The following BMP2K variants were observed in gnomAD, a reference collection of about 807,000 sequenced individuals.
BMP2K encodes the protein BMP2 inducible kinase.
BMP2K carries 74 observed loss-of-function variants against 116.0 expected under a neutral mutation model. The observed-to-expected ratio is 0.64, with a 90% CI of 0.53 to 0.77. The LOEUF is 0.77. BMP2K is among the 30% of genes least tolerant of loss of function. The pLI, the probability that BMP2K is intolerant of heterozygous loss-of-function variation, is 0.00. For missense variants in BMP2K, 1,365 were observed against 1,403.6 expected (o/e 0.97, Z 0.44); for synonymous variants, 486 against 502.5 (o/e 0.97, Z 0.44).
chr4:78,835,349 G>A (rs1730419182), intron 3 of BMP2K, among the ~76,000 whole-genome samples: 1 of 152,124 alleles, frequency 6.6e-6, no homozygotes, highest in South Asian at 2.1e-4. Flanking sequence ...TAGTTGGCCT[G>A]GTGCGGTGGC....
At chr4:78,786,431 G>GTGTGTGTGTGTC (rs1727735242) in intron 1 of BMP2K, among the ~76,000 whole-genome samples, 1 of 151,044 alleles carries the variant, frequency 6.6e-6, no homozygotes, top group African/African-American at 2.4e-5. Flanking sequence ...GTGTGTGTGT[G>GTGTGTGTGTGTC]TGTGTGTGTG....
chr4:78,879,491 A>C, intron 14 of BMP2K: 1 of 889,526 alleles, frequency 1.1e-6, no homozygotes, highest in Non-Finnish European at 1.3e-6. Flanking sequence ...ACTACCTAAT[A>C]TATGTCAAGC....
chr4:78,869,032 T>TGG (rs1363323734), intron 10 of BMP2K, among the ~76,000 whole-genome samples: 11 of 152,210 alleles, frequency 7.2e-5, no homozygotes, highest in African/African-American at 2.7e-4. Flanking sequence ...AGACTCTTTG[T>TGG]GGGGACTTTG....
intron 14 of BMP2K, among the ~76,000 whole-genome samples, chr4:78,881,755 T>C (rs1330147024): frequency 3.9e-5 from 6 of 152,090 alleles, no homozygotes. Flanking sequence ...TATTAAACTT[T>C]CTTAAAGTTT....
intron 3 of BMP2K, among the ~76,000 whole-genome samples, chr4:78,834,378 C>T (rs2110012415): frequency 6.6e-6 from 1 of 151,872 alleles, no homozygotes; most frequent in East Asian, 1.9e-4. Flanking sequence ...TCTCCTGCCT[C>T]AGCCTCCCGA....
intron 4 of BMP2K, among the ~76,000 whole-genome samples, chr4:78,844,435 A>G (rs1372822427): frequency 2.6e-5 from 4 of 151,766 alleles, no homozygotes; most frequent in Non-Finnish European, 4.4e-5. Context: ...AAATGGTACT[A>G]GAAATCAAAG....
chr4:78,819,233 T>G (rs1390953971), intron 1 of BMP2K, among the ~76,000 whole-genome samples: 2 of 152,112 alleles, frequency 1.3e-5, no homozygotes, highest in African/African-American at 4.8e-5. Context: ...GATATTGAGC[T>G]CAGGCCATCC....
chr4:78,817,392 C>T (rs572651919), intron 1 of BMP2K, among the ~76,000 whole-genome samples: 56 of 152,250 alleles, frequency 3.7e-4, no homozygotes, highest in African/African-American at 1.3e-3. Flanking sequence ...TGGGGGTTCC[C>T]TTTGGGTTTG....
chr4:78,880,351 C>A (rs1385816573), intron 14 of BMP2K, among the ~76,000 whole-genome samples: 1 of 152,128 alleles, frequency 6.6e-6, no homozygotes, highest in Non-Finnish European at 1.5e-5. Context: ...GGATTACAGG[C>A]GTGAGCCACC....
chr4:78,899,415 G>A (rs866936701), intron 15 of BMP2K, among the ~76,000 whole-genome samples: 12 of 152,234 alleles, frequency 7.9e-5, no homozygotes, highest in Middle Eastern at 3.4e-3. Flanking sequence ...TAGGGGCACT[G>A]GAATCTTTTT....
chr4:78,818,963 A>AT (rs1252355200), intron 1 of BMP2K, among the ~76,000 whole-genome samples: 25 of 151,992 alleles, frequency 1.6e-4, no homozygotes, highest in African/African-American at 5.8e-4. Flanking sequence ...TGCCTGGCTA[A>AT]TTTTTTGTAT....
At chr4:78,809,374 GTTTT>G (rs1420962806) in intron 1 of BMP2K, among the ~76,000 whole-genome samples, 1 of 150,432 alleles carries the variant, frequency 6.6e-6, no homozygotes, top group Non-Finnish European at 1.5e-5. Context: ...TCGTGTGTTT[GTTTT>G]TTGTTTTATT....
intron 7 of BMP2K, among the ~76,000 whole-genome samples, chr4:78,857,289 A>G (rs1454359549): frequency 6.6e-6 from 1 of 152,134 alleles, no homozygotes; most frequent in Non-Finnish European, 1.5e-5. Flanking sequence ...TGGCTCCAGC[A>G]GATATATTCC....
rs1383444973 is a variant in BMP2K at position 78,911,740 on chromosome 4, C to A, written c.3193C>A (p.Leu1065Met). ...RGNVLQPEES[L>M]LDPFGAKPFH... ...GAATGTCTTACAACCTGAGGAGAGCCTGTTGGACCCCTTCGGTGCCAAGCC... is the reference window on the plus strand; with the variant it reads ...GAATGTCTTACAACCTGAGGAGAGCATGTTGGACCCCTTCGGTGCCAAGCC... The change falls in exon 16 of 16, where the codon CTG (leucine) becomes ATG (methionine). Residue 1065 changes from leucine (L) to methionine (M), a missense_variant. Physicochemically the swap from Leu to Met is conservative, Grantham distance 15. Coordinates refer to ENST00000502613, the MANE Select transcript of BMP2K (RefSeq NM_198892.2). 4 of 1,613,986 alleles carry A rather than the reference C, an allele frequency of 2.5e-6. No homozygotes were observed. The South Asian group carries it at 4.4e-5, about 18-fold the overall frequency.
chr4:78,808,455 C>T (rs1334248707), intron 1 of BMP2K, among the ~76,000 whole-genome samples: 5 of 151,838 alleles, frequency 3.3e-5, no homozygotes, highest in African/African-American at 7.3e-5. Context: ...TTACTAGAGA[C>T]GGGGTTTTCA....
chr4:78,895,958 C>T (rs189600556), intron 15 of BMP2K, among the ~76,000 whole-genome samples: 142 of 152,168 alleles, frequency 9.3e-4, no homozygotes, highest in African/African-American at 3.1e-3. Flanking sequence ...GACAAGGTCT[C>T]GCTGTGTTGA....
At chr4:78,816,014 C>T (rs144588392) in intron 1 of BMP2K, among the ~76,000 whole-genome samples, 79 of 152,278 alleles carry the variant, frequency 5.2e-4, no homozygotes, top group African/African-American at 1.8e-3. Flanking sequence ...TCAAGGATTA[C>T]GTATTGCATA....
At chr4:78,898,708 A>G (rs1733842097) in intron 15 of BMP2K, 1 of 151,768 alleles carries the variant, frequency 6.6e-6, no homozygotes, top group African/African-American at 2.4e-5. Context: ...CAACAAAATG[A>G]CTACAGAAAT....
chr4:78,788,751 G>GT (rs201139967), intron 1 of BMP2K, among the ~76,000 whole-genome samples: 1 of 151,814 alleles, frequency 6.6e-6, no homozygotes, highest in African/African-American at 2.4e-5. Context: ...TATCCATAGG[G>GT]ATGGTTGGAA....
Sources: allele counts gnomAD v4.1 joint callset (sites outside exome capture counted in the v4.1 genomes callset), GRCh38; gene constraint gnomAD v4.1.1; transcripts MANE v1.5; gene names NCBI Gene and HGNC (gene_info 2026-07-23, HGNC 2026-07-21).